The following SPATC1 variants were observed in gnomAD, a reference collection of about 807,000 sequenced individuals.
SPATC1 encodes spermatogenesis and centriole associated 1.
A neutral mutation model predicts 36.5 loss-of-function variants in SPATC1; 35 were observed. That is an observed-to-expected ratio of 0.96 (90% confidence interval 0.73 to 1.27). The LOEUF (loss-of-function observed/expected upper bound fraction) is 1.27. SPATC1 is among the 50% of genes most tolerant of loss of function. The pLI, the probability that SPATC1 is intolerant of heterozygous loss-of-function variation, is 0.00. For synonymous variants in SPATC1, 361 were observed against 353.6 expected (o/e 1.02, Z -0.24); for missense variants, 779 against 796.0 (o/e 0.98, Z 0.26).
chr8:144,040,348 C>T lies in SPATC1; in HGVS notation c.651C>T (p.Pro217=), dbSNP rs1342556983. ...TCTCTCAGAACCTGCTGGCCAACCC[C>T]ATGAGCAACCTGGTCCTGCCAGAGG... ...PGVSQNLLAN[P]MSNLVLPEAP... The change falls in exon 2 of 5, where the codon CCC becomes CCT. Residue 217 remains proline (P), a synonymous_variant. Transcript: ENST00000377470. 6.2e-7 allele frequency: 1 copy of T among 1,612,654 alleles called. No individual in the cohort carries two copies. The highest frequency in any genetic ancestry group is 8.5e-7 in the Non-Finnish European group (1 of 1,179,940).
chr8:144,043,009 T>G (rs1342757980), intron 4 of SPATC1, among the ~76,000 whole-genome samples: 2 of 150,690 alleles, frequency 1.3e-5, no homozygotes, highest in Admixed American at 6.6e-5. Context: ...TTTTTTTTTT[T>G]GAGACAGAGT....
intron 4 of SPATC1, among the ~76,000 whole-genome samples, chr8:144,043,784 C>A (rs1835181148): frequency 6.6e-6 from 1 of 151,922 alleles, no homozygotes; most frequent in Admixed American, 6.6e-5. Flanking sequence ...AATGCGCCCA[C>A]CCTGTGTTCA....
chr8:144,015,157 A>G (rs961988921), intron 1 of SPATC1, among the ~76,000 whole-genome samples: 2 of 151,312 alleles, frequency 1.3e-5, no homozygotes, highest in African/African-American at 4.9e-5. Flanking sequence ...CTCCTGCCTC[A>G]GCCTCCTGAG....
In SPATC1 at chr8:144,015,740, C is replaced by CAA. The variant is rs374846456; in HGVS notation, c.211+3030_211+3031dup. Among the ~76,000 whole-genome samples the CAA allele has an allele frequency of 5.0e-3, 407 of 81,278 alleles. 1 individual carries two copies. Among genetic ancestry groups the CAA allele is most frequent in the Middle Eastern group, 0.021 (3 of 142 alleles). 53.3% of individuals were successfully genotyped at this position (81,278 alleles called of 152,430 possible). A position where few individuals can be genotyped will look rare whatever the true frequency, so the allele number is the denominator to read the frequency against. ...TGGGCGACTGAGTGAGACTCTGTCT[C>CAA]AAAAAAAAAAAAAAAAAGAAAAGAA... is the stretch of plus-strand genomic sequence containing the variant. On this transcript the variant is annotated intron_variant, in intron 1 of 4. Transcript: ENST00000377470.
chr8:144,034,325 C>T lies in SPATC1; in HGVS notation c.212-5584C>T, dbSNP rs983216120. Among the ~76,000 whole-genome samples, 16 of 152,262 alleles carry T rather than the reference C, an allele frequency of 1.1e-4. No homozygotes were observed. In the South Asian group the frequency reaches 2.3e-3, roughly 22 times the overall value. On this transcript the variant is annotated intron_variant, in intron 1 of 4. Transcript: ENST00000377470. ...GGGCCACCCCTGGACTAGCCTTGCC[C>T]GTAAGGGCCTGGCTTTGTTTGCTAA...
intron 1 of SPATC1, among the ~76,000 whole-genome samples, chr8:144,033,885 T>C (rs1037338280): frequency 0.028 from 4,291 of 152,234 alleles, 222 homozygotes; most frequent in African/African-American, 0.097. Context: ...TATTCAGCAC[T>C]GGCAGGCAAA....
At chr8:144,044,713 G>A (rs1295335561) in intron 4 of SPATC1, among the ~76,000 whole-genome samples, 5 of 151,820 alleles carry the variant, frequency 3.3e-5, no homozygotes, top group Non-Finnish European at 7.4e-5. Context: ...GTGGGAGGCC[G>A]AGGCGGGCAG....
rs1587522943 is a variant in SPATC1 at position 144,039,921 on chromosome 8, C to A, written c.224C>A (p.Pro75His). Residue 75 changes from proline (P) to histidine (H), a missense_variant, in exon 2 of 5, where the codon CCC (proline) becomes CAC (histidine). Coordinates refer to ENST00000377470, the MANE Select transcript of SPATC1 (RefSeq NM_198572.3). ...SSRQNNGVFL[P>H]PSPAVANERV... ...TCTGTGTTCCCAGGTGTCTTCCTGC[C>A]CCCGTCCCCAGCAGTGGCAAACGAA... is the stretch of plus-strand genomic sequence containing the variant. 1.2e-6 allele frequency: 2 copies of A among 1,613,312 alleles called. No individual in the cohort carries two copies.
chr8:144,041,410 T>TGGCCCATGAGGGCCGTGAGG (rs781791334), intron 4 of SPATC1, 39 bp downstream of exon 4: 5 of 1,597,016 alleles, frequency 3.1e-6, no homozygotes, highest in Non-Finnish European at 4.2e-6. Flanking sequence ...GGGGGCAGGT[T>TGGCCCATGAGGGCCGTGAGG]GGCCCATGAG....
In SPATC1 at chr8:144,046,895, T is replaced by C. The variant is rs781847795; in HGVS notation, c.1715T>C (p.Leu572Pro). 6.3e-7 allele frequency: 1 copy of C among 1,599,394 alleles called. No individual in the cohort carries two copies. The highest frequency in any genetic ancestry group is 8.5e-7 in the Non-Finnish European group (1 of 1,179,718). The change falls in exon 5 of 5, where the codon CTG becomes CCG. Residue 572 changes from leucine (L) to proline (P), a missense_variant. By Grantham distance (98) the Leu-to-Pro change is moderately conservative. Transcript: ENST00000377470. The surrounding 1 kb of genome is among the most constrained non-coding windows in gnomAD (Gnocchi z 6.6). Reference protein sequence around the residue: ...VHPGMLADALLLLSCLSQLAH... With the variant: ...VHPGMLADALPLLSCLSQLAH... Reference sequence around the variant, plus strand: ...CCCGGCATGCTCGCCGACGCGCTGCTGCTGCTCTCCTGCCTCAGCCAGCTG... The same window carrying C: ...CCCGGCATGCTCGCCGACGCGCTGCCGCTGCTCTCCTGCCTCAGCCAGCTG...
At chr8:144,043,832 C>T (rs551362000) in intron 4 of SPATC1, among the ~76,000 whole-genome samples, 6 of 152,262 alleles carry the variant, frequency 3.9e-5, no homozygotes, top group Admixed American at 1.3e-4. Flanking sequence ...ACTCACTTGC[C>T]GTGGAGCCCG....
In SPATC1 at chr8:144,046,982, G is replaced by A. The variant is rs782640337; in HGVS notation, c.*26G>A. ...CGCTGGAGCTGGGAGGTCCAGGCTC[G>A]CTCAGCCCCACAGCCCTGTGCACGG... On this transcript the variant is annotated 3_prime_UTR_variant, in exon 5 of 5. Coordinates refer to ENST00000377470, the MANE Select transcript of SPATC1 (RefSeq NM_198572.3). This position sits in a 1 kb window ranked among gnomAD's most constrained non-coding sequence, Gnocchi z 6.6. 98 of 1,582,598 alleles carry A rather than the reference G, an allele frequency of 6.2e-5. No homozygotes were observed. Among genetic ancestry groups the A allele is most frequent in the Middle Eastern group, 1.8e-4 (1 of 5,560 alleles).
In SPATC1 at chr8:144,012,495, C is replaced by T. The variant is rs1432372530; in HGVS notation, c.-21C>T. On this transcript the variant is annotated 5_prime_UTR_variant, in exon 1 of 5. Coordinates refer to ENST00000377470, the MANE Select transcript of SPATC1 (RefSeq NM_198572.3). The stretch of plus-strand genomic sequence containing the variant: ...GTGCAGTGCCCTCCCGTGGGCCGCA[C>T]CCTTGCCACTGCCCCAGGGCATGTC... 5 of 1,550,040 alleles carry T rather than the reference C, an allele frequency of 3.2e-6. No homozygotes were observed. Among genetic ancestry groups the T allele is most frequent in the Non-Finnish European group, 4.4e-6 (5 of 1,145,608 alleles).
intron 1 of SPATC1, among the ~76,000 whole-genome samples, chr8:144,030,040 T>C (rs1260125871): frequency 6.6e-6 from 1 of 152,256 alleles, no homozygotes; most frequent in Non-Finnish European, 1.5e-5. Flanking sequence ...TATTAATATA[T>C]AATGTTCTTC....
chr8:144,016,457 ATGGTGTGTGTG>A lies in SPATC1; in HGVS notation c.211+3740_211+3750del, dbSNP rs1445041050. Among the ~76,000 whole-genome samples, 1 of 151,598 alleles carries A rather than the reference ATGGTGTGTGTG, an allele frequency of 6.6e-6. No individual in the cohort carries two copies. The highest frequency in any genetic ancestry group is 6.6e-5 in the Admixed American group (1 of 15,188). The stretch of plus-strand genomic sequence containing the variant: ...CGTATGTCTGATTGTGTGAGTGTAT[ATGGTGTGTGTG>A]TGGTGTGTTCATGTGTGACAGGGGC... On this transcript the variant is annotated intron_variant, in intron 1 of 4. Transcript: ENST00000377470. The surrounding 1 kb of genome is among the most constrained non-coding windows in gnomAD (Gnocchi z 4.5).
intron 1 of SPATC1, among the ~76,000 whole-genome samples, chr8:144,035,369 A>G (rs1587513015): frequency 6.6e-6 from 1 of 151,906 alleles, no homozygotes. Context: ...CAGCCACACC[A>G]CCCTCTCAGT....
chr8:144,026,957 C>T (rs1834691593), intron 1 of SPATC1, among the ~76,000 whole-genome samples: 1 of 149,766 alleles, frequency 6.7e-6, no homozygotes, highest in African/African-American at 2.4e-5. Flanking sequence ...CTACAGGCGC[C>T]CACCACCACG....
chr8:144,044,818 A>G (rs1439253289), intron 4 of SPATC1, among the ~76,000 whole-genome samples: 3 of 152,074 alleles, frequency 2.0e-5, no homozygotes, highest in Admixed American at 6.5e-5. Flanking sequence ...GCGTGGAGGC[A>G]TACGCCTGTA....
chr8:144,042,523 T>C (rs992284212), intron 4 of SPATC1, among the ~76,000 whole-genome samples: 9 of 151,676 alleles, frequency 5.9e-5, no homozygotes, highest in Admixed American at 4.6e-4. Flanking sequence ...GGTTTCTCCA[T>C]GTTGGCCAGG....
Sources: gnomAD v4.1 joint callset for allele counts (sites outside exome capture counted in the v4.1 genomes callset) on GRCh38, gnomAD v4.1.1 for gene constraint, Gnocchi (gnomAD v3.1) non-coding constraint, MANE v1.5 for transcripts, NCBI Gene and HGNC (gene_info 2026-07-23, HGNC 2026-07-21) for gene names.